The following PRKCE variants were observed in gnomAD, a reference collection of about 807,000 sequenced individuals.
The protein encoded by PRKCE is protein kinase C epsilon.
In PRKCE, 16 loss-of-function variants were observed where a neutral mutation model predicts 85.4. That is an observed-to-expected ratio of 0.19 (90% CI 0.13 to 0.28). PRKCE has a LOEUF of 0.28. Ranked by LOEUF, PRKCE falls within the 10% of genes least tolerant of loss-of-function variation. The pLI is 1.00. For missense variants in PRKCE, 573 were observed against 975.2 expected, an observed-to-expected ratio of 0.59 and a Z score of 5.49; for synonymous variants, 388 against 371.5, an observed-to-expected ratio of 1.04 and a Z score of -0.51.
chr2:45,725,065 A>T (rs560669765), intron 1 of PRKCE, among the ~76,000 whole-genome samples: 1 of 152,254 alleles, frequency 6.6e-6, no homozygotes, highest in East Asian at 1.9e-4. Context: ...TCAAAGCTTC[A>T]AAGGCCAGCC....
chr2:45,965,463 G>A (rs1006998735), intron 2 of PRKCE, among the ~76,000 whole-genome samples: 7 of 152,198 alleles, frequency 4.6e-5, no homozygotes, highest in African/African-American at 1.7e-4. Context: ...ATTATTGAAA[G>A]GGAAAATTAA....
chr2:46,177,955 A>G (rs1324297525), intron 14 of PRKCE, among the ~76,000 whole-genome samples: 2 of 152,110 alleles, frequency 1.3e-5, no homozygotes, highest in Admixed American at 6.5e-5. Flanking sequence ...GCCACTACCA[A>G]GGATATGGAT....
chr2:46,064,130 A>C (rs1667399170), intron 10 of PRKCE, among the ~76,000 whole-genome samples: 1 of 151,962 alleles, frequency 6.6e-6, no homozygotes, highest in Non-Finnish European at 1.5e-5. Flanking sequence ...AAAAATACAA[A>C]AATTAGCCAG....
chr2:46,134,601 G>T (rs747875060), intron 11 of PRKCE, among the ~76,000 whole-genome samples: 2 of 152,256 alleles, frequency 1.3e-5, no homozygotes, highest in Non-Finnish European at 2.9e-5. Flanking sequence ...GTTCAAGCAA[G>T]TTCTTTCACG....
chr2:45,820,105 C>A (rs746642651), intron 1 of PRKCE, among the ~76,000 whole-genome samples: 1 of 152,074 alleles, frequency 6.6e-6, no homozygotes, highest in Non-Finnish European at 1.5e-5. Context: ...AGGGGCGAAT[C>A]CTCAATGGGA....
intron 1 of PRKCE, among the ~76,000 whole-genome samples, chr2:45,694,300 G>A (rs1197757130): frequency 6.6e-6 from 1 of 151,930 alleles, no homozygotes; most frequent in African/African-American, 2.4e-5. Flanking sequence ...ACCATCCAGG[G>A]GAAGAACTAT....
At chr2:46,180,227 T>A (rs1679833696) in intron 14 of PRKCE, among the ~76,000 whole-genome samples, 1 of 151,972 alleles carries the variant, frequency 6.6e-6, no homozygotes, top group South Asian at 2.1e-4. Context: ...GTGGGGAAAT[T>A]GCATGGATGT....
intron 2 of PRKCE, among the ~76,000 whole-genome samples, chr2:45,971,156 C>T (rs1326464247): frequency 6.6e-6 from 1 of 152,130 alleles, no homozygotes; most frequent in Non-Finnish European, 1.5e-5. Flanking sequence ...TGCCCTTTTA[C>T]TAGTATCTCC....
At chr2:45,789,166 G>A (rs1422009696) in intron 1 of PRKCE, among the ~76,000 whole-genome samples, 1 of 152,118 alleles carries the variant, frequency 6.6e-6, no homozygotes, top group African/African-American at 2.4e-5. Context: ...TTGGGACGCT[G>A]AAGCAGGAGG....
At chr2:46,073,235 C>T (rs1489132937) in intron 10 of PRKCE, among the ~76,000 whole-genome samples, 4 of 152,140 alleles carry the variant, frequency 2.6e-5, no homozygotes, top group East Asian at 3.9e-4. Flanking sequence ...AGCACGGGTC[C>T]GATGTTGCAC....
Position 45,983,432 on chromosome 2 carries a change from GA to G in PRKCE, c.694-1118del, listed in dbSNP as rs773539369. Among the ~76,000 whole-genome samples the G allele has an allele frequency of 7.2e-5, 11 of 152,316 alleles. No homozygotes were observed. The East Asian group carries it at 1.9e-3, about 27-fold the overall frequency. On this transcript the variant is annotated intron_variant, in intron 5 of 14. Coordinates refer to ENST00000306156, the MANE Select transcript of PRKCE (RefSeq NM_005400.3). ...GGTGATGGTCTCCTGCCGATACTGA[GA>G]GGGGCTGGGGGTGCAGCTGCTCCAC...
At chr2:45,655,404 G>T (rs1675330119) in intron 1 of PRKCE, among the ~76,000 whole-genome samples, 1 of 150,518 alleles carries the variant, frequency 6.6e-6, no homozygotes, top group Non-Finnish European at 1.5e-5. Context: ...TGTATTTTAT[G>T]TGTGGCCCAA....
chr2:46,049,995 G>C (rs539952874), intron 10 of PRKCE, among the ~76,000 whole-genome samples: 10 of 152,098 alleles, frequency 6.6e-5, no homozygotes, highest in Admixed American at 2.6e-4. Context: ...GGGGGTAAAA[G>C]CTGGGCCCAC....
At chr2:45,806,425 T>G (rs1688247789) in intron 1 of PRKCE, among the ~76,000 whole-genome samples, 1 of 152,240 alleles carries the variant, frequency 6.6e-6, no homozygotes, top group Non-Finnish European at 1.5e-5. Flanking sequence ...TTAGAAGTTG[T>G]GGCAAAATAC....
chr2:45,865,818 T>C (rs112803488), intron 2 of PRKCE, among the ~76,000 whole-genome samples: 56 of 83,606 alleles, frequency 6.7e-4, no homozygotes, highest in Non-Finnish European at 1.0e-3. Context: ...TCTTCTTCTT[T>C]TTTTTTTTTT....
chr2:45,685,670 C>T (rs1478615874), intron 1 of PRKCE: 5 of 152,164 alleles, frequency 3.3e-5, no homozygotes, highest in East Asian at 1.9e-4. Flanking sequence ...GGTATGTGCC[C>T]GTAGTCTCTT....
chr2:45,881,114 C>T (rs1694852889), intron 2 of PRKCE, among the ~76,000 whole-genome samples: 1 of 144,494 alleles, frequency 6.9e-6, no homozygotes, highest in Non-Finnish European at 1.5e-5. Context: ...GATCCCGCCA[C>T]TGCACTCCAG....
At chr2:45,706,623 A>G (rs963891679) in intron 1 of PRKCE, among the ~76,000 whole-genome samples, 2 of 152,212 alleles carry the variant, frequency 1.3e-5, no homozygotes, top group African/African-American at 4.8e-5. Context: ...CTCTGGCATC[A>G]CATCCCAGCA....
At chr2:46,129,936 G>A (rs972224041) in intron 11 of PRKCE, among the ~76,000 whole-genome samples, 5 of 152,212 alleles carry the variant, frequency 3.3e-5, no homozygotes, top group African/African-American at 1.2e-4. Flanking sequence ...ATGGTTGTGG[G>A]TGTATATCTT....
Sources: allele counts gnomAD v4.1 joint callset (sites outside exome capture counted in the v4.1 genomes callset), GRCh38; gene constraint gnomAD v4.1.1; transcripts MANE v1.5; gene names NCBI Gene and HGNC (gene_info 2026-07-23, HGNC 2026-07-21).